HTR4: variants seen among roughly 807,000 people sequenced by gnomAD.
The protein encoded by HTR4 is 5-hydroxytryptamine (serotonin) receptor 4, G protein-coupled.
A neutral mutation model predicts 36.8 loss-of-function variants in HTR4; 16 were observed. That is an observed-to-expected ratio of 0.43 (90% CI 0.29 to 0.66). The LOEUF is 0.66. Among genes scored for constraint, HTR4 ranks in the 30% least tolerant of loss-of-function variants. The pLI is 0.13. For synonymous variants in HTR4, 189 were observed against 185.1 expected, an observed-to-expected ratio of 1.02 and a Z score of -0.17; for missense variants, 438 against 490.9, an observed-to-expected ratio of 0.89 and a Z score of 1.02.
chr5:148,625,086 A>G (rs979044052), intron 2 of HTR4, among the ~76,000 whole-genome samples: 2 of 152,144 alleles, frequency 1.3e-5, no homozygotes, highest in African/African-American at 4.8e-5. Context: ...TTTGAGGTGC[A>G]AGTAGGAAAT....
At chr5:148,574,101 C>T (rs1010708600) in intron 2 of HTR4, among the ~76,000 whole-genome samples, 7 of 152,076 alleles carry the variant, frequency 4.6e-5, no homozygotes, top group Non-Finnish European at 1.0e-4. Context: ...GAGGGCAAAG[C>T]ACATTAACTC....
At chr5:148,651,121 T>C (rs1217728176) in intron 1 of HTR4, among the ~76,000 whole-genome samples, 3 of 152,212 alleles carry the variant, frequency 2.0e-5, no homozygotes, top group Non-Finnish European at 4.4e-5. Context: ...ATAGGATTCT[T>C]AATGAAGATT....
At chr5:148,506,620 C>T (rs1157728451) in intron 6 of HTR4, among the ~76,000 whole-genome samples, 2 of 152,142 alleles carry the variant, frequency 1.3e-5, no homozygotes, top group African/African-American at 4.8e-5. Flanking sequence ...TTGCAATCTA[C>T]CCATCTGACA....
intron 2 of HTR4, among the ~76,000 whole-genome samples, chr5:148,592,969 C>T (rs1278703809): frequency 6.6e-6 from 1 of 152,088 alleles, no homozygotes; most frequent in Non-Finnish European, 1.5e-5. Flanking sequence ...TATTTGGCTA[C>T]ATTGGTTTAT....
rs371360953 is a variant in HTR4 at position 148,594,049 on chromosome 5, C to T, written c.26+42940G>A. Among the ~76,000 whole-genome samples the T allele has an allele frequency of 1.5e-4, 23 of 152,192 alleles. No homozygotes were observed. In the South Asian group the frequency reaches 2.3e-3, roughly 15 times the overall value. On this transcript the variant is annotated intron_variant, in intron 2 of 6. Transcript: ENST00000377888. Reference sequence around the variant, plus strand: ...TATACTAAGCATATTTACTATGCTTCGTAGTGAAAGTATATTAAATTGTAG... The same window carrying T: ...TATACTAAGCATATTTACTATGCTTTGTAGTGAAAGTATATTAAATTGTAG...
At chr5:148,601,359 AT>A (rs1391363738) in intron 2 of HTR4, among the ~76,000 whole-genome samples, 1 of 152,200 alleles carries the variant, frequency 6.6e-6, no homozygotes, top group Non-Finnish European at 1.5e-5. Flanking sequence ...AGGAATTGAA[AT>A]CAGAGTCTCG....
At chr5:148,583,840 G>A (rs1761246394) in intron 2 of HTR4, among the ~76,000 whole-genome samples, 1 of 152,064 alleles carries the variant, frequency 6.6e-6, no homozygotes, top group Admixed American at 6.5e-5. Context: ...AATACCCCAA[G>A]GAGGGCTGTG....
At chr5:148,477,257 T>G (rs1755728338), downstream of HTR4, among the ~76,000 whole-genome samples, 1 of 152,224 alleles carries the variant, frequency 6.6e-6, no homozygotes, top group South Asian at 2.1e-4. Flanking sequence ...AAATAATTTT[T>G]ATCAAGAATC....
intron 6 of HTR4, among the ~76,000 whole-genome samples, chr5:148,495,932 C>T (rs1418999873): frequency 1.3e-5 from 2 of 152,018 alleles, no homozygotes; most frequent in African/African-American, 4.8e-5. Flanking sequence ...GAAACCCTGT[C>T]TCTATTAAAA....
At chr5:148,453,086 T>A (rs1755012113) in intron 5 of HTR4, among the ~76,000 whole-genome samples, 3 of 152,248 alleles carry the variant, frequency 2.0e-5, no homozygotes, top group Non-Finnish European at 1.5e-5. Context: ...GAGCTTTCTG[T>A]CTGCTGTGGT....
chr5:148,457,917 T>TATC (rs1755146916), intron 5 of HTR4, among the ~76,000 whole-genome samples: 1 of 137,762 alleles, frequency 7.3e-6, no homozygotes, highest in Non-Finnish European at 1.5e-5. Flanking sequence ...ATATTTAATA[T>TATC]ATCATTAAAA....
chr5:148,458,106 A>AT (rs1755165255), intron 5 of HTR4, among the ~76,000 whole-genome samples: 3 of 57,222 alleles, frequency 5.2e-5, no homozygotes, highest in African/African-American at 1.3e-4. Flanking sequence ...TTTAATATCT[A>AT]TTAAATAGAT....
At chr5:148,554,407 G>A (rs1379593971) in intron 2 of HTR4, among the ~76,000 whole-genome samples, 1 of 152,132 alleles carries the variant, frequency 6.6e-6, no homozygotes, top group Non-Finnish European at 1.5e-5. Context: ...CTACCACATG[G>A]ATGAACCTTA....
At chr5:148,564,955 C>A (rs990999837) in intron 2 of HTR4, among the ~76,000 whole-genome samples, 9 of 151,672 alleles carry the variant, frequency 5.9e-5, no homozygotes, top group Non-Finnish European at 7.4e-5. Flanking sequence ...GCTAAAAATA[C>A]AAAAATTAGC....
chr5:148,531,272 CCA>C (rs1295660443), intron 4 of HTR4, among the ~76,000 whole-genome samples: 7 of 152,108 alleles, frequency 4.6e-5, no homozygotes, highest in Non-Finnish European at 1.0e-4. Flanking sequence ...ATTGCGGCTC[CCA>C]CAGTTCCCAT....
chr5:148,577,553 A>T (rs186910312), intron 2 of HTR4, among the ~76,000 whole-genome samples: 1 of 152,296 alleles, frequency 6.6e-6, no homozygotes, highest in African/African-American at 2.4e-5. Flanking sequence ...AATAGCAAAG[A>T]CATGGAATCA....
intron 2 of HTR4, among the ~76,000 whole-genome samples, chr5:148,594,233 C>T (rs1050901624): frequency 7.9e-5 from 12 of 151,990 alleles, no homozygotes; most frequent in African/African-American, 2.9e-4. Context: ...AAATGCTTGT[C>T]TTAAGTGAGT....
chr5:148,583,675 A>T (rs1761238974), intron 2 of HTR4, among the ~76,000 whole-genome samples: 1 of 152,054 alleles, frequency 6.6e-6, no homozygotes, highest in Non-Finnish European at 1.5e-5. Flanking sequence ...TATATTAAAA[A>T]GAAGAAACAC....
At chr5:148,546,522 A>G (rs1418949859) in intron 4 of HTR4, among the ~76,000 whole-genome samples, 1 of 152,230 alleles carries the variant, frequency 6.6e-6, no homozygotes, top group African/African-American at 2.4e-5. Flanking sequence ...CCTGATTTGA[A>G]AAGTACGTAG....
Sources: gnomAD v4.1 joint callset for allele counts (sites outside exome capture counted in the v4.1 genomes callset) on GRCh38, gnomAD v4.1.1 for gene constraint, MANE v1.5 for transcripts, NCBI Gene and HGNC (gene_info 2026-07-23, HGNC 2026-07-21) for gene names.